SCN2A: variants seen among roughly 807,000 people sequenced by gnomAD.
The protein encoded by SCN2A is sodium channel protein type 2 subunit alpha.
Under a neutral mutation model 188.7 loss-of-function variants are expected in SCN2A, and 20 were observed. The observed-to-expected ratio is 0.11, with a 90% CI of 0.07 to 0.15. The LOEUF (loss-of-function observed/expected upper bound fraction) is 0.15. Ranked by LOEUF, SCN2A falls within the 10% of genes least tolerant of loss-of-function variation. The pLI, the probability that SCN2A is intolerant of heterozygous loss-of-function variation, is 1.00. For synonymous variants in SCN2A, 804 were observed against 833.1 expected, an observed-to-expected ratio of 0.97 and a Z score of 0.60; for missense variants, 1,278 against 2,445.0, an observed-to-expected ratio of 0.52 and a Z score of 10.07.
intron 1 of SCN2A, among the ~76,000 whole-genome samples, chr2:165,262,571 A>C (rs1694644857): frequency 6.6e-6 from 1 of 152,048 alleles, no homozygotes; most frequent in African/African-American, 2.4e-5. Flanking sequence ...AAGACAAAGC[A>C]GTATTCATAT....
chr2:165,376,417 AT>A (rs1235147337), intron 22 of SCN2A, among the ~76,000 whole-genome samples: 1 of 152,022 alleles, frequency 6.6e-6, no homozygotes, highest in African/African-American at 2.4e-5. Context: ...CTATATAAAA[AT>A]GATATAATAC....
chr2:165,308,297 T>G (rs756274944), intron 4 of SCN2A, among the ~76,000 whole-genome samples: 7 of 152,164 alleles, frequency 4.6e-5, no homozygotes, highest in Non-Finnish European at 1.0e-4. Context: ...TAGTATATGT[T>G]TGATGGCTTT....
At chr2:165,331,293 G>A in intron 13 of SCN2A, 37 bp from the exon 14 acceptor site, 1 of 1,440,118 alleles carries the variant, frequency 6.9e-7, no homozygotes, top group Middle Eastern at 1.7e-4. Flanking sequence ...TAGAAAGTAA[G>A]CAGTTTTCAT....
intron 1 of SCN2A, among the ~76,000 whole-genome samples, chr2:165,276,236 G>A (rs1436283911): frequency 6.6e-6 from 1 of 151,252 alleles, no homozygotes; most frequent in Non-Finnish European, 1.5e-5. Flanking sequence ...ATAATAAGGT[G>A]TAGCTAGAAA....
chr2:165,315,693 G>C lies in SCN2A; in HGVS notation c.1606G>C (p.Gly536Arg). ...SESEDSIRRK[G>R]FRFSLEGSRL... ...ATCTGAAGACAGCATAAGAAGAAAA[G>C]GTTTCCGTTTTTCCTTGGAAGGAAG... The change falls in exon 11 of 27, where the codon GGT (glycine) becomes CGT (arginine). Residue 536 changes from glycine (G) to arginine (R), a missense_variant. By Grantham distance (125) the Gly-to-Arg change is moderately radical. This residue lies in a region of SCN2A where 315 missense variants were observed against 386.6 expected (regional missense o/e 0.81). Transcript: ENST00000375437. The C allele has an allele frequency of 6.2e-7, 1 of 1,613,538 alleles. No homozygotes were observed.
chr2:165,331,216 AC>A, intron 13 of SCN2A, 113 bp from the exon 14 acceptor site: 1 of 840,984 alleles, frequency 1.2e-6, no homozygotes, highest in African/African-American at 1.7e-5. Context: ...CAGCAGATTA[AC>A]CCATAATATC....
chr2:165,263,313 C>G (rs976175467), intron 1 of SCN2A, among the ~76,000 whole-genome samples: 1 of 151,990 alleles, frequency 6.6e-6, no homozygotes, highest in African/African-American at 2.4e-5. Flanking sequence ...TTTGCCCAAG[C>G]CAATGTCTAG....
Position 165,389,771 on chromosome 2 carries a change from G to A in SCN2A, c.5965G>A (p.Asp1989Asn). Reference protein sequence around the residue: ...TKPEKEKFEKDKSEKEDKGKD... With the variant: ...TKPEKEKFEKNKSEKEDKGKD... ...ACCAGAAAAAGAAAAATTTGAAAAA[G>A]ACAAATCAGAAAAGGAAGACAAAGG... Residue 1989 changes from aspartate (D) to asparagine (N), a missense_variant, in exon 27 of 27, where the codon GAC becomes AAC. This residue lies in a region of SCN2A where 109 missense variants were observed against 137.9 expected (regional missense o/e 0.79). Coordinates refer to ENST00000375437, the MANE Select transcript of SCN2A (RefSeq NM_001040142.2). This position sits in a 1 kb window ranked among gnomAD's most constrained non-coding sequence, Gnocchi z 4.2. 6.2e-7 allele frequency: 1 copy of A among 1,612,848 alleles called. No homozygotes were observed. Among genetic ancestry groups the A allele is most frequent in the Non-Finnish European group, 8.5e-7 (1 of 1,179,592 alleles).
chr2:165,259,109 A>C (rs1694461812), intron 1 of SCN2A, among the ~76,000 whole-genome samples: 1 of 152,250 alleles, frequency 6.6e-6, no homozygotes, highest in Non-Finnish European at 1.5e-5. Context: ...CTATGTTTAC[A>C]CTATACTATA....
At chr2:165,320,422 C>G (rs186162508) in intron 11 of SCN2A, 1 of 152,376 alleles carries the variant, frequency 6.6e-6, no homozygotes, top group Non-Finnish European at 1.5e-5. Context: ...GACAGTGGCT[C>G]TCTTCTCACA....
At chr2:165,337,866 A>G (rs1326179490) in intron 14 of SCN2A, among the ~76,000 whole-genome samples, 3 of 152,194 alleles carry the variant, frequency 2.0e-5, no homozygotes, top group African/African-American at 7.2e-5. Flanking sequence ...TGGTCACTAG[A>G]TATGAATAAA....
chr2:165,323,189 C>G lies in SCN2A; in HGVS notation c.1705C>G (p.Pro569Ala). The stretch of plus-strand genomic sequence containing the variant: ...GAGCATCCGTGGCTCCCTTTTCTCT[C>G]CAAGACGCAACAGTAGGGCGAGCCT... ...LLSIRGSLFS[P>A]RRNSRASLFS... The change falls in exon 12 of 27, where the codon CCA (proline) becomes GCA (alanine). Residue 569 changes from proline (P) to alanine (A), a missense_variant. By Grantham distance (27) the Pro-to-Ala change is conservative. This residue lies in a region of SCN2A where 315 missense variants were observed against 386.6 expected (regional missense o/e 0.81). Coordinates refer to ENST00000375437, the MANE Select transcript of SCN2A (RefSeq NM_001040142.2). 2 of 1,614,150 alleles carry G rather than the reference C, an allele frequency of 1.2e-6. No individual in the cohort carries two copies. Among genetic ancestry groups the G allele is most frequent in the Non-Finnish European group, 1.7e-6 (2 of 1,180,026 alleles).
chr2:165,361,255 C>T (rs1381274333), intron 17 of SCN2A, among the ~76,000 whole-genome samples: 1 of 151,854 alleles, frequency 6.6e-6, no homozygotes, highest in Non-Finnish European at 1.5e-5. Context: ...GTGTATTTAG[C>T]TTTACTCTAC....
At chr2:165,246,591 A>G (rs930106250) in intron 1 of SCN2A, among the ~76,000 whole-genome samples, 3 of 152,154 alleles carry the variant, frequency 2.0e-5, no homozygotes, top group Admixed American at 1.3e-4. Flanking sequence ...TTCATTAGAT[A>G]AATTCCACAG....
chr2:165,312,705 A>G (rs1419719038), intron 8 of SCN2A, among the ~76,000 whole-genome samples: 1 of 152,138 alleles, frequency 6.6e-6, no homozygotes, highest in African/African-American at 2.4e-5. Flanking sequence ...TATTGGGATC[A>G]TGCAAATGTT....
At chr2:165,242,972 A>G (rs1177865596) in intron 1 of SCN2A, among the ~76,000 whole-genome samples, 1 of 152,208 alleles carries the variant, frequency 6.6e-6, no homozygotes, top group South Asian at 2.1e-4. Context: ...TATTGGTGGC[A>G]TATGGACTTT....
intron 14 of SCN2A, among the ~76,000 whole-genome samples, chr2:165,335,687 C>T (rs2105301852): frequency 6.6e-6 from 1 of 151,576 alleles, no homozygotes; most frequent in Admixed American, 6.6e-5. Context: ...TATTATTAAG[C>T]AATGATTTCT....
At chr2:165,367,507 A>G in intron 19 of SCN2A, 136 bp downstream of exon 19, 2 of 1,041,324 alleles carry the variant, frequency 1.9e-6, no homozygotes, top group South Asian at 1.4e-5. Context: ...TGTTTAGCAC[A>G]TATGAGAGGC....
At chr2:165,258,327 G>A (rs546566980) in intron 1 of SCN2A, among the ~76,000 whole-genome samples, 1 of 152,164 alleles carries the variant, frequency 6.6e-6, no homozygotes, top group East Asian at 1.9e-4. Context: ...AATCCATCTT[G>A]AGTTTATTTT....
Sources: allele counts gnomAD v4.1 joint callset (sites outside exome capture counted in the v4.1 genomes callset), GRCh38; gene constraint gnomAD v4.1.1; regional missense constraint gnomAD v4.1.1; non-coding constraint Gnocchi (gnomAD v3.1); transcripts MANE v1.5; gene names NCBI Gene and HGNC (gene_info 2026-07-23, HGNC 2026-07-21).